Variants in ABLIM1 observed in about 807,000 individuals in gnomAD.
ABLIM1 encodes actin binding LIM protein 1.
In ABLIM1, 40 loss-of-function variants were observed where a neutral mutation model predicts 107.0. That is an observed-to-expected ratio of 0.37 (90% CI 0.29 to 0.49). The LOEUF (loss-of-function observed/expected upper bound fraction) is 0.49. Ranked by LOEUF, ABLIM1 falls within the 20% of genes least tolerant of loss-of-function variation. ABLIM1 has a pLI of 0.97. For missense variants in ABLIM1, 857 were observed against 1,008.5 expected, an observed-to-expected ratio of 0.85 and a Z score of 2.04; for synonymous variants, 357 against 357.3, an observed-to-expected ratio of 1.00 and a Z score of 0.01.
chr10:114,704,302 C>CTCTCTCTCTCTCTCTA (rs1380460034), intron 1 of ABLIM1, among the ~76,000 whole-genome samples: 1 of 43,090 alleles, frequency 2.3e-5, no homozygotes, highest in African/African-American at 8.3e-5. Flanking sequence ...CTCTCTCTCT[C>CTCTCTCTCTCTCTCTA]TATATATATA....
chr10:114,475,730 G>A (rs768500365), intron 8 of ABLIM1, among the ~76,000 whole-genome samples: 8 of 152,190 alleles, frequency 5.3e-5, no homozygotes, highest in African/African-American at 1.7e-4. Flanking sequence ...CCTGAAGAAC[G>A]TGGAGAGTGA....
chr10:114,790,405 T>C, the ABLIM1 span, among the ~76,000 whole-genome samples: 1 of 152,040 alleles, frequency 6.6e-6, no homozygotes, highest in Non-Finnish European at 1.5e-5. Flanking sequence ...TTGGAAATTG[T>C]ATTTCCTGTT....
chr10:114,700,803 T>G (rs188083088), intron 1 of ABLIM1, among the ~76,000 whole-genome samples: 1 of 152,238 alleles, frequency 6.6e-6, no homozygotes, highest in Non-Finnish European at 1.5e-5. Flanking sequence ...AGAGGAATCA[T>G]AGATGTAAAC....
chr10:114,666,176 T>C (rs2080018018), intron 1 of ABLIM1, among the ~76,000 whole-genome samples: 1 of 152,186 alleles, frequency 6.6e-6, no homozygotes, highest in Admixed American at 6.5e-5. Flanking sequence ...CTGAATCTAT[T>C]GGCTGCCAAG....
chr10:114,552,449 A>G (rs2068179207), intron 4 of ABLIM1, among the ~76,000 whole-genome samples: 1 of 151,660 alleles, frequency 6.6e-6, no homozygotes, highest in African/African-American at 2.4e-5. Flanking sequence ...CCCATGAGGA[A>G]CTTGCCAGTG....
Position 114,668,103 on chromosome 10 carries a change from G to C in ABLIM1, c.64+16187C>G, listed in dbSNP as rs529957537. Among the ~76,000 whole-genome samples the C allele has an allele frequency of 2.6e-5, 4 of 151,460 alleles. No homozygotes were observed. The South Asian group carries it at 8.4e-4, about 32-fold the overall frequency. On this transcript the variant is annotated intron_variant, in intron 1 of 23. Transcript: ENST00000369256. Reference sequence around the variant, plus strand: ...CTTCAGGTTGCATGAAATTGAAAGGGGGCAGTGCTTGGGGGAGGGAATCCA... The same window carrying C: ...CTTCAGGTTGCATGAAATTGAAAGGCGGCAGTGCTTGGGGGAGGGAATCCA...
At chr10:114,588,003 G>A (rs2074381479) in intron 2 of ABLIM1, among the ~76,000 whole-genome samples, 1 of 152,118 alleles carries the variant, frequency 6.6e-6, no homozygotes, top group Admixed American at 6.5e-5. Context: ...CCATTTGAAT[G>A]TCTGATTAAT....
chr10:114,630,763 G>A (rs1270603903), intron 1 of ABLIM1, among the ~76,000 whole-genome samples: 1 of 152,182 alleles, frequency 6.6e-6, no homozygotes, highest in African/African-American at 2.4e-5. Context: ...GTAGATGTCC[G>A]TGTTTGGGGA....
Position 114,722,829 on chromosome 10 carries a change from T to C in ABLIM1, c.-213+45232A>G, listed in dbSNP as rs78348707. 3.4e-3 allele frequency among the ~76,000 whole-genome samples: 519 copies of C among 152,308 alleles called. 1 individual carries two copies. Among genetic ancestry groups the C allele is most frequent in the African/African-American group, 0.012 (494 of 41,582 alleles). ...GGATAGTTCTTTTCCCTTTTTCCCT[T>C]CTTTTCTGGCAAAATCCCATTTATG... On this transcript the variant is annotated intron_variant, in intron 1 of 15. Transcript: ENST00000651092.
chr10:114,522,989 A>G (rs753763982), intron 6 of ABLIM1, among the ~76,000 whole-genome samples: 26 of 152,096 alleles, frequency 1.7e-4, no homozygotes, highest in Non-Finnish European at 1.5e-4. Flanking sequence ...CATCTCTACT[A>G]AAAACACAAA....
intron 1 of ABLIM1, among the ~76,000 whole-genome samples, chr10:114,656,210 C>T (rs1288716365): frequency 1.5e-5 from 2 of 134,132 alleles, no homozygotes; most frequent in Non-Finnish European, 3.0e-5. Context: ...GCAGAGGTTG[C>T]AGTGAGCCGA....
chr10:114,509,144 G>A (rs140702505), intron 6 of ABLIM1, among the ~76,000 whole-genome samples: 11 of 152,238 alleles, frequency 7.2e-5, no homozygotes, highest in Non-Finnish European at 1.5e-4. Flanking sequence ...ACTCTAAACC[G>A]CACACCCTGG....
At position 114,636,415 on chromosome 10, in the gene ABLIM1, G is replaced by A. The variant is rs2140866774; in HGVS notation, c.244+21542C>T. ...TTTCTAAATGGAGTTCAAAGGCTCT[G>A]GCTGCATTTCAAGGTACAGCATGAT... On this transcript the variant is annotated intron_variant, in intron 1 of 22. Transcript: ENST00000533213. Among the ~76,000 whole-genome samples the A allele has an allele frequency of 1.3e-5, 2 of 152,260 alleles. 1 individual carries two copies. The highest frequency in any genetic ancestry group is 4.1e-4 in the South Asian group (2 of 4,826).
At chr10:114,502,617 C>A (rs1282977639) in intron 6 of ABLIM1, among the ~76,000 whole-genome samples, 3 of 152,132 alleles carry the variant, frequency 2.0e-5, no homozygotes, top group African/African-American at 7.2e-5. Context: ...GTGCCTCAGC[C>A]ACCTGAGCAG....
chr10:114,786,972 G>C, the ABLIM1 span, among the ~76,000 whole-genome samples: 3 of 150,156 alleles, frequency 2.0e-5, 1 homozygote, highest in Non-Finnish European at 4.4e-5. Context: ...TGGGATGTGA[G>C]GAGCCCCTCT....
intron 6 of ABLIM1, among the ~76,000 whole-genome samples, chr10:114,536,231 T>C (rs1339645166): frequency 2.5e-4 from 1 of 4,010 alleles, no homozygotes; most frequent in Non-Finnish European, 1.2e-3. Flanking sequence ...TTCTTTGTTT[T>C]TTTTTTTTTT....
chr10:114,562,779 G>A (rs2069949236), intron 4 of ABLIM1, among the ~76,000 whole-genome samples: 2 of 152,136 alleles, frequency 1.3e-5, no homozygotes, highest in African/African-American at 4.8e-5. Flanking sequence ...TCCTGGGATG[G>A]TATCAATTCA....
At chr10:114,789,308 C>T in the ABLIM1 span, among the ~76,000 whole-genome samples, 15 of 152,082 alleles carry the variant, frequency 9.9e-5, no homozygotes, top group Admixed American at 3.9e-4. Flanking sequence ...ATGATGTTGA[C>T]CATACTCTGC....
At chr10:114,551,619 G>C (rs545900106) in intron 4 of ABLIM1, among the ~76,000 whole-genome samples, 2 of 152,198 alleles carry the variant, frequency 1.3e-5, no homozygotes, top group Admixed American at 1.3e-4. Flanking sequence ...TGAAAGATTG[G>C]CCCATGACCA....
Sources: allele counts gnomAD v4.1 joint callset (sites outside exome capture counted in the v4.1 genomes callset), GRCh38; gene constraint gnomAD v4.1.1; transcripts MANE v1.5; gene names NCBI Gene and HGNC (gene_info 2026-07-23, HGNC 2026-07-21).